TST: variants seen among roughly 807,000 people sequenced by gnomAD.
The protein encoded by TST is thiosulfate sulfurtransferase, also known as epididymis secretory sperm binding protein.
A neutral mutation model predicts 20.4 loss-of-function variants in TST; 22 were observed. The ratio of observed to expected loss-of-function variants is 1.08; its 90% CI spans 0.77 to 1.54. The LOEUF (loss-of-function observed/expected upper bound fraction) is 1.54. Among genes scored for constraint, TST ranks in the 40% most tolerant of loss-of-function variants. The pLI is 0.00. For synonymous variants in TST, 187 were observed against 173.8 expected (o/e 1.08, Z -0.60); for missense variants, 392 against 405.2 (o/e 0.97, Z 0.28).
intron 2 of TST, among the ~76,000 whole-genome samples, chr22:37,014,878 G>A (rs549882037): frequency 7.9e-5 from 12 of 152,270 alleles, no homozygotes; most frequent in Non-Finnish European, 1.3e-4. Context: ...TCCAGAGCAG[G>A]CAGCCCCAGA....
chr22:37,014,172 C>T (rs1036330115), intron 2 of TST, among the ~76,000 whole-genome samples: 2 of 152,132 alleles, frequency 1.3e-5, no homozygotes, highest in African/African-American at 4.8e-5. Flanking sequence ...ACCATCCTGG[C>T]TAACACGGTG....
intron 2 of TST, among the ~76,000 whole-genome samples, chr22:37,012,463 C>A (rs986759317): frequency 2.6e-5 from 4 of 152,236 alleles, no homozygotes; most frequent in African/African-American, 4.8e-5. Flanking sequence ...CTGTCTTCCT[C>A]GAGCAGCCCA....
At position 37,014,404 on chromosome 22, in the gene TST, T is replaced by C. The variant is rs563536721; in HGVS notation, c.596-3079A>G. 4.5e-4 allele frequency among the ~76,000 whole-genome samples: 68 copies of C among 152,154 alleles called. 1 individual carries two copies. The highest frequency in any genetic ancestry group is 1.6e-3 in the African/African-American group (65 of 41,522). On this transcript the variant is annotated intron_variant, in intron 2 of 2. Transcript: ENST00000249042. The stretch of plus-strand genomic sequence containing the variant: ...ACAAACAAACAAAAAGAACAGCCAG[T>C]TGGTGGAAAGGCACGTTGGGCCAGA...
Position 37,018,487 on chromosome 22 carries a change from G to A in TST, c.246C>T (p.Ala82=), listed in dbSNP as rs12161085. 8,793 of 1,609,264 alleles carry A rather than the reference G, an allele frequency of 5.5e-3. 287 individuals carry two copies. The South Asian group carries it at 0.066, about 12-fold the overall frequency. The change falls in exon 2 of 3, where the codon GCC becomes GCT. Residue 82 remains alanine (A), a synonymous_variant. Transcript: ENST00000249042. ...TGATGCCCAGGCGGCCCACATACTC[G>A]GCGAAGCCAGCCTCGCTGGGCAGCA... ...EMMLPSEAGF[A]EYVGRLGISN...
intron 2 of TST, among the ~76,000 whole-genome samples, chr22:37,017,039 G>A (rs941523735): frequency 3.9e-5 from 6 of 152,234 alleles, no homozygotes; most frequent in East Asian, 1.9e-4. Flanking sequence ...TGTTGCACAC[G>A]AGTTAGATTC....
chr22:37,015,082 G>A (rs748816646), intron 2 of TST, among the ~76,000 whole-genome samples: 3 of 152,112 alleles, frequency 2.0e-5, no homozygotes, highest in Non-Finnish European at 1.5e-5. Flanking sequence ...CCCACCCACA[G>A]CAGTAGCCTT....
intron 2 of TST, among the ~76,000 whole-genome samples, chr22:37,011,750 A>G (rs1047074629): frequency 6.6e-6 from 1 of 152,220 alleles, no homozygotes; most frequent in African/African-American, 2.4e-5. Context: ...CTGAGAACAC[A>G]GCGGTGAAAG....
chr22:37,016,731 G>C (rs1922694272), intron 2 of TST, among the ~76,000 whole-genome samples: 1 of 152,166 alleles, frequency 6.6e-6, no homozygotes, highest in Non-Finnish European at 1.5e-5. Flanking sequence ...GGATTCTCTG[G>C]GAGGTGCCAA....
chr22:37,019,847 C>G (rs773961130), upstream of TST: 49 of 1,221,156 alleles, frequency 4.0e-5, no homozygotes, highest in Admixed American at 4.2e-5. Context: ...ATGGCGGAGC[C>G]AGGAAGCCGG....
In TST at chr22:37,018,710, C is replaced by A; in HGVS notation, c.23G>T (p.Arg8Leu). Residue 8 changes from arginine to leucine, a missense_variant, in exon 2 of 3, where the codon CGG becomes CTG. Transcript: ENST00000249042. Reference protein sequence around the residue: MVHQVLYRALVSTKWLAE... With the variant: MVHQVLYLALVSTKWLAE... Reference sequence around the variant, plus strand: ...CAGCCACTTGGTGGAGACCAGCGCCCGGTAGAGCACCTGATGAACCATGGC... The same window carrying A: ...CAGCCACTTGGTGGAGACCAGCGCCAGGTAGAGCACCTGATGAACCATGGC... 6.6e-7 allele frequency: 1 copy of A among 1,507,994 alleles called. No individual in the cohort carries two copies. Among genetic ancestry groups the A allele is most frequent in the East Asian group, 2.3e-5 (1 of 43,230 alleles). The allele number at this position is 1,507,994 out of a possible 1,614,324, so 93.4% of individuals were successfully genotyped here. A position where few individuals can be genotyped will look rare whatever the true frequency, so the allele number is the denominator to read the frequency against.
rs777801495 is a variant in TST at position 37,011,079 on chromosome 22, C to T, written c.842G>A (p.Arg281His). The change falls in exon 3 of 3, where the codon CGC (arginine) becomes CAC (histidine). Residue 281 changes from arginine (R) to histidine (H), a missense_variant. Transcript: ENST00000249042. ...VYDGSWSEWF[R>H]RAPPESRVSQ... ...CACACGGCTCTCTGGGGGGGCCCGG[C>T]GAAACCACTCGGACCAGGAGCCATC... The T allele has an allele frequency of 3.3e-5, 54 of 1,612,410 alleles. No homozygotes were observed. Among genetic ancestry groups the T allele is most frequent in the African/African-American group, 5.3e-5 (4 of 74,896 alleles).
chr22:37,018,787 G>A, intron 1 of TST, 34 bp from the exon 2 acceptor site: 1 of 1,406,602 alleles, frequency 7.1e-7, no homozygotes, highest in Non-Finnish European at 9.3e-7. Flanking sequence ...AGAGAGACAG[G>A]CGTGAGGAAG....
At chr22:37,018,082 C>A in intron 2 of TST, 56 bp downstream of exon 2, 1 of 1,361,818 alleles carries the variant, frequency 7.3e-7, no homozygotes, top group South Asian at 1.5e-5. Flanking sequence ...ATCCTTACTC[C>A]CTATCCTTCC....
At chr22:37,015,434 A>G (rs1002392579) in intron 2 of TST, among the ~76,000 whole-genome samples, 1 of 152,230 alleles carries the variant, frequency 6.6e-6, no homozygotes, top group South Asian at 2.1e-4. Flanking sequence ...TCAGGTGAGC[A>G]GCGCTCCTTT....
chr22:37,011,389 G>C (rs1268990795), intron 2 of TST, 64 bp from the exon 3 acceptor site: 19 of 1,513,372 alleles, frequency 1.3e-5, no homozygotes, highest in Middle Eastern at 1.7e-4. Flanking sequence ...GGGGCCTGGA[G>C]GATTCCATCA....
At chr22:37,019,596 C>T (rs958743600), upstream of TST, 109 of 202,294 alleles carry the variant, frequency 5.4e-4, no homozygotes, top group Non-Finnish European at 1.0e-3. Flanking sequence ...GCGCGCGGGG[C>T]CTCCGGGACC....
At position 37,010,894 on chromosome 22, in the gene TST, G is replaced by T; in HGVS notation, c.*133C>A. 7.6e-7 allele frequency: 1 copy of T among 1,307,588 alleles called. No individual in the cohort carries two copies. The highest frequency in any genetic ancestry group is 1.1e-6 in the Non-Finnish European group (1 of 951,360). 81.0% of individuals were successfully genotyped at this position (1,307,588 alleles called of 1,614,324 possible). On this transcript the variant is annotated 3_prime_UTR_variant, in exon 3 of 3. Coordinates refer to ENST00000249042, the MANE Select transcript of TST (RefSeq NM_003312.6). Reference sequence around the variant, plus strand: ...AAAAGGCAAAGTTTATTCCAGTGTTGACAGAGAGAGGGTGAGCCTTGCACA... The same window carrying T: ...AAAAGGCAAAGTTTATTCCAGTGTTTACAGAGAGAGGGTGAGCCTTGCACA...
intron 2 of TST, among the ~76,000 whole-genome samples, chr22:37,015,642 A>G (rs1922650385): frequency 6.6e-6 from 1 of 152,244 alleles, no homozygotes; most frequent in Non-Finnish European, 1.5e-5. Flanking sequence ...CGCTCCATTT[A>G]GGGTCATTCC....
upstream of TST, chr22:37,019,808 C>T (rs1601451896): frequency 1.7e-6 from 2 of 1,143,620 alleles, no homozygotes; most frequent in East Asian, 3.2e-5. Flanking sequence ...GCTGCGGGCG[C>T]GGGGAGGGGG....
Sources: gnomAD v4.1 joint callset for allele counts (sites outside exome capture counted in the v4.1 genomes callset) on GRCh38, gnomAD v4.1.1 for gene constraint, MANE v1.5 for transcripts, NCBI Gene and HGNC (gene_info 2026-07-23, HGNC 2026-07-21) for gene names.